USP47: variants seen among roughly 807,000 people sequenced by gnomAD.
USP47 encodes the protein ubiquitin carboxyl-terminal hydrolase 47.
USP47 carries 35 observed loss-of-function variants against 165.1 expected under a neutral mutation model. That is an observed-to-expected ratio of 0.21 (90% CI 0.16 to 0.28). The LOEUF is 0.28. Ranked by LOEUF, USP47 falls within the 10% of genes least tolerant of loss-of-function variation. The probability of loss-of-function intolerance (pLI) is 1.00; values close to 1 mark genes in which losing one functional copy is unlikely to be tolerated. For missense variants in USP47, 1,277 were observed against 1,607.4 expected (o/e 0.79, Z 3.52); for synonymous variants, 531 against 544.5 (o/e 0.98, Z 0.35).
intron 19 of USP47, among the ~76,000 whole-genome samples, chr11:11,941,503 G>A (rs1236339045): frequency 1.3e-5 from 2 of 151,864 alleles, no homozygotes; most frequent in Non-Finnish European, 2.9e-5. Flanking sequence ...GATTTATTAT[G>A]GAAAATTTCA....
intron 3 of USP47, among the ~76,000 whole-genome samples, chr11:11,890,818 T>C (rs1164660834): frequency 3.9e-5 from 6 of 152,192 alleles, no homozygotes; most frequent in African/African-American, 1.4e-4. Flanking sequence ...CACCACAGAA[T>C]ACTATGCATC....
chr11:11,934,440 C>CT (rs1854906773), intron 16 of USP47, among the ~76,000 whole-genome samples: 1 of 152,050 alleles, frequency 6.6e-6, no homozygotes, highest in African/African-American at 2.4e-5. Flanking sequence ...TATTTTGAAA[C>CT]TTTAACCATG....
rs1172205950 is a variant in USP47 at position 11,947,994 on chromosome 11, A to C, written c.3141A>C (p.Gln1047His). The C allele has an allele frequency of 6.2e-7, 1 of 1,613,550 alleles. No individual in the cohort carries two copies. The highest frequency in any genetic ancestry group is 8.5e-7 in the Non-Finnish European group (1 of 1,179,820). ...GAATTACTCTGGCAGCTTTCAAACA[A>C]CATTTAGAGCCCTTTGTTGGAGTTT... ...DKRITLAAFK[Q>H]HLEPFVGVLS... Residue 1047 changes from glutamine (Q) to histidine (H), a missense_variant, in exon 21 of 28, where the codon CAA becomes CAC. Gln to His is a conservative substitution (Grantham distance 24). Around this residue, in one of 4 missense-constraint regions of USP47, gnomAD observed 909 missense variants for 1,068.1 expected, o/e 0.85. Coordinates refer to ENST00000527733, the MANE Select transcript of USP47 (RefSeq NM_001282659.2).
chr11:11,897,818 T>A (rs1851939342), intron 5 of USP47, 125 bp downstream of exon 5: 1 of 616,714 alleles, frequency 1.6e-6, no homozygotes, highest in Non-Finnish European at 2.8e-6. Context: ...AAGATATAAC[T>A]TCTTTCCTTA....
chr11:11,951,434 G>C (rs1856215646), intron 24 of USP47: 1 of 152,104 alleles, frequency 6.6e-6, no homozygotes, highest in Admixed American at 6.6e-5. Context: ...AGACATACTT[G>C]TCACACCTCC....
intron 1 of USP47, among the ~76,000 whole-genome samples, chr11:11,863,573 A>G (rs1047424820): frequency 2.0e-5 from 3 of 152,194 alleles, no homozygotes; most frequent in African/African-American, 7.2e-5. Flanking sequence ...ATCCTTGAGT[A>G]TTAAGCCAAT....
At chr11:11,896,815 G>A (rs1217532932) in intron 4 of USP47, among the ~76,000 whole-genome samples, 1 of 152,078 alleles carries the variant, frequency 6.6e-6, no homozygotes, top group Non-Finnish European at 1.5e-5. Flanking sequence ...ATGCAATGAT[G>A]TAGATTAAGA....
Position 11,903,219 on chromosome 11 carries a change from A to C in USP47, c.740-44A>C, listed in dbSNP as rs1053182911. The C allele has an allele frequency of 5.1e-6, 8 of 1,559,888 alleles. No individual in the cohort carries two copies. The African/African-American group carries it at 1.1e-4, about 21-fold the overall frequency. ...TTTAAACAACAGATTGTTTCATTAC[A>C]TAAAGTTTATAGCTATTTCTAATTG... is the stretch of plus-strand genomic sequence containing the variant. On this transcript the variant is annotated intron_variant, in intron 6 of 27. Coordinates refer to ENST00000527733, the MANE Select transcript of USP47 (RefSeq NM_001282659.2).
At chr11:11,943,640 C>T (rs1025990649) in intron 20 of USP47, 2 of 152,032 alleles carry the variant, frequency 1.3e-5, no homozygotes, top group African/African-American at 4.8e-5. Flanking sequence ...CTAGAAATTC[C>T]AATGCATAAT....
intron 1 of USP47, among the ~76,000 whole-genome samples, chr11:11,867,492 T>A (rs1049561120): frequency 6.6e-6 from 1 of 152,222 alleles, no homozygotes; most frequent in Non-Finnish European, 1.5e-5. Flanking sequence ...ATATTTTAAA[T>A]GTGCTGTTAA....
intron 5 of USP47, among the ~76,000 whole-genome samples, chr11:11,897,939 G>T (rs72856392): frequency 0.13 from 19,419 of 152,016 alleles, 1,588 homozygotes; most frequent in Middle Eastern, 0.38. Flanking sequence ...TACATGTAGG[G>T]TAAAAAGCTT....
chr11:11,867,376 A>G (rs1276340692), intron 1 of USP47, among the ~76,000 whole-genome samples: 1 of 152,056 alleles, frequency 6.6e-6, no homozygotes, highest in East Asian at 1.9e-4. Flanking sequence ...GTCTTACTCT[A>G]TCCTTCATGT....
Position 11,956,156 on chromosome 11 carries a change from A to C in USP47, c.4049A>C (p.Lys1350Thr), listed in dbSNP as rs1856547473. ...ATATATCTGGATGGAGCACCAAATA[A>C]AGATCTGACTCAAGACTGACTCTGA... Reference protein sequence around the residue: ...LKIYLDGAPNKDLTQD With the variant: ...LKIYLDGAPNTDLTQD The change falls in exon 28 of 28, where the codon AAA (lysine) becomes ACA (threonine). Residue 1350 changes from lysine (K) to threonine (T), a missense_variant. Physicochemically the swap from Lys to Thr is moderately conservative, Grantham distance 78 (BLOSUM62 -1). Around this residue, in one of 4 missense-constraint regions of USP47, gnomAD observed 909 missense variants for 1,068.1 expected, o/e 0.85. Transcript: ENST00000527733. 6.2e-7 allele frequency: 1 copy of C among 1,613,958 alleles called. No homozygotes were observed.
At chr11:11,885,341 C>T (rs1206638304) in intron 3 of USP47, among the ~76,000 whole-genome samples, 3 of 152,064 alleles carry the variant, frequency 2.0e-5, no homozygotes, top group Non-Finnish European at 4.4e-5. Context: ...TCCAAGTTCT[C>T]GCACTGAGAC....
rs563233723 is a variant in USP47 at position 11,848,860 on chromosome 11, C to T, written c.39+6636C>T. On this transcript the variant is annotated intron_variant, in intron 1 of 27. Coordinates refer to ENST00000527733, the MANE Select transcript of USP47 (RefSeq NM_001282659.2). ...TCTTGACCTCGTGATACGCCTGCCT[C>T]GGCCTCCCAAAGTGCTGGGATTACA... Among the ~76,000 whole-genome samples the T allele has an allele frequency of 2.6e-5, 4 of 152,254 alleles. No individual in the cohort carries two copies. In the South Asian group the frequency reaches 8.3e-4, roughly 32 times the overall value.
intron 8 of USP47, among the ~76,000 whole-genome samples, chr11:11,911,456 G>T (rs1678753539): frequency 6.6e-6 from 1 of 152,022 alleles, no homozygotes; most frequent in South Asian, 2.1e-4. Context: ...ATCAGGAATG[G>T]CCATATTAGT....
intron 3 of USP47, among the ~76,000 whole-genome samples, chr11:11,889,152 G>A (rs1851354789): frequency 6.6e-6 from 1 of 152,080 alleles, no homozygotes; most frequent in Admixed American, 6.5e-5. Context: ...AAATGAGAAT[G>A]CCCTCTTTTA....
intron 8 of USP47, among the ~76,000 whole-genome samples, chr11:11,916,078 C>T (rs550156373): frequency 2.0e-5 from 3 of 152,040 alleles, no homozygotes; most frequent in Non-Finnish European, 2.9e-5. Context: ...TGGAATAACC[C>T]GTATTGTTTT....
intron 8 of USP47, among the ~76,000 whole-genome samples, chr11:11,911,206 A>T (rs144543380): frequency 2.6e-5 from 4 of 152,198 alleles, no homozygotes; most frequent in African/African-American, 4.8e-5. Context: ...GACTGAAAAA[A>T]ATATATATCC....
Sources: allele counts gnomAD v4.1 joint callset (sites outside exome capture counted in the v4.1 genomes callset), GRCh38; gene constraint gnomAD v4.1.1; regional missense constraint gnomAD v4.1.1; transcripts MANE v1.5; gene names NCBI Gene and HGNC (gene_info 2026-07-23, HGNC 2026-07-21).